Variants in GPC6 observed in about 807,000 individuals in gnomAD.
GPC6 encodes glypican-6.
Under a neutral mutation model 55.2 loss-of-function variants are expected in GPC6, and 14 were observed. The observed-to-expected ratio is 0.25, with a 90% CI of 0.17 to 0.40. The LOEUF is 0.40. Among genes scored for constraint, GPC6 ranks in the 10% least tolerant of loss-of-function variants. GPC6 has a pLI of 1.00. For synonymous variants in GPC6, 278 were observed against 259.6 expected (o/e 1.07, Z -0.68); for missense variants, 641 against 708.5 (o/e 0.90, Z 1.08).
At chr13:94,136,507 G>A (rs747965146) in intron 4 of GPC6, among the ~76,000 whole-genome samples, 6 of 152,132 alleles carry the variant, frequency 3.9e-5, no homozygotes, top group South Asian at 2.1e-4. Context: ...TCAGGAGATC[G>A]AGACCATCCT....
chr13:93,217,794 T>C, the GPC6 span, among the ~76,000 whole-genome samples: 2 of 152,186 alleles, frequency 1.3e-5, no homozygotes, highest in Non-Finnish European at 2.9e-5. Flanking sequence ...TACATGTTTG[T>C]TTCCCAGGAA....
At chr13:94,143,166 A>G (rs970733209) in intron 4 of GPC6, among the ~76,000 whole-genome samples, 1 of 151,950 alleles carries the variant, frequency 6.6e-6, no homozygotes, top group Admixed American at 6.6e-5. Context: ...AAAGATATAT[A>G]AAAACAACAA....
At chr13:93,689,396 GT>G (rs1882169103) in intron 2 of GPC6, among the ~76,000 whole-genome samples, 1 of 151,986 alleles carries the variant, frequency 6.6e-6, no homozygotes, top group African/African-American at 2.4e-5. Context: ...TTAAATAAAT[GT>G]TAAAAGTTAT....
intron 2 of GPC6, among the ~76,000 whole-genome samples, chr13:93,824,588 CTT>C (rs1041194703): frequency 6.8e-6 from 1 of 146,620 alleles, no homozygotes; most frequent in Admixed American, 6.8e-5. Flanking sequence ...TGATAGCCAA[CTT>C]TTTTTTTTTT....
chr13:93,574,154 A>C (rs2139478917), intron 2 of GPC6, among the ~76,000 whole-genome samples: 1 of 152,306 alleles, frequency 6.6e-6, no homozygotes, highest in Non-Finnish European at 1.5e-5. Flanking sequence ...TGTCTCCCAA[A>C]AAGGTATGTT....
chr13:94,261,616 C>G (rs985826836), intron 4 of GPC6, among the ~76,000 whole-genome samples: 2 of 152,274 alleles, frequency 1.3e-5, no homozygotes, highest in South Asian at 2.1e-4. Flanking sequence ...CCTGGAGGAG[C>G]TAATGCTTAA....
chr13:93,773,803 G>A (rs1885376958), intron 2 of GPC6, among the ~76,000 whole-genome samples: 1 of 152,184 alleles, frequency 6.6e-6, no homozygotes. Context: ...ACAAGAGATT[G>A]CCATTGGCTA....
chr13:94,225,370 C>T (rs374218443), intron 4 of GPC6, among the ~76,000 whole-genome samples: 1 of 152,046 alleles, frequency 6.6e-6, no homozygotes, highest in Non-Finnish European at 1.5e-5. Context: ...CCAAGCTTTA[C>T]CATAAGTTTG....
At chr13:93,549,382 G>A (rs1038088630) in intron 2 of GPC6, among the ~76,000 whole-genome samples, 3 of 152,200 alleles carry the variant, frequency 2.0e-5, no homozygotes, top group Non-Finnish European at 2.9e-5. Flanking sequence ...TGGCTACCAA[G>A]TAGCTCACGT....
chr13:94,270,793 A>G (rs1007962247), intron 4 of GPC6, among the ~76,000 whole-genome samples: 30 of 152,114 alleles, frequency 2.0e-4, no homozygotes, highest in Admixed American at 6.5e-5. Flanking sequence ...CTCAAAATCA[A>G]CAAGGCTACT....
intron 2 of GPC6, among the ~76,000 whole-genome samples, chr13:93,675,304 C>T (rs1194940347): frequency 2.6e-5 from 4 of 151,106 alleles, no homozygotes; most frequent in African/African-American, 4.9e-5. Context: ...ATTAAAGAGG[C>T]GAATGAAGAG....
chr13:93,812,663 G>C (rs953308416), intron 2 of GPC6, among the ~76,000 whole-genome samples: 1 of 152,064 alleles, frequency 6.6e-6, no homozygotes, highest in African/African-American at 2.4e-5. Flanking sequence ...TTTTTTATAT[G>C]CCAAGATAAA....
chr13:94,062,772 G>A (rs1001165392), intron 4 of GPC6, among the ~76,000 whole-genome samples: 20 of 152,346 alleles, frequency 1.3e-4, no homozygotes, highest in African/African-American at 4.8e-4. Flanking sequence ...TTATTAAGCA[G>A]AGGATATTTA....
At chr13:94,181,100 G>A (rs989584023) in intron 4 of GPC6, among the ~76,000 whole-genome samples, 5 of 152,170 alleles carry the variant, frequency 3.3e-5, no homozygotes, top group East Asian at 1.9e-4. Flanking sequence ...CACTCTACCA[G>A]AGAGCTCTGG....
At chr13:93,295,277 G>A (rs1259967507) in intron 1 of GPC6, among the ~76,000 whole-genome samples, 2 of 120,882 alleles carry the variant, frequency 1.7e-5, no homozygotes, top group Non-Finnish European at 3.2e-5. Context: ...GGTGGTACAG[G>A]GAGACCCTGT....
chr13:94,266,812 T>C (rs1391000124), intron 4 of GPC6, among the ~76,000 whole-genome samples: 1 of 152,166 alleles, frequency 6.6e-6, no homozygotes, highest in Non-Finnish European at 1.5e-5. Flanking sequence ...TGTTGGCTGA[T>C]CAAATGAATG....
intron 3 of GPC6, among the ~76,000 whole-genome samples, chr13:93,946,756 C>G (rs1175930169): frequency 6.6e-6 from 1 of 152,188 alleles, no homozygotes; most frequent in Non-Finnish European, 1.5e-5. Flanking sequence ...GCTAGGGCAT[C>G]AGTCTAAGTG....
At chr13:94,125,422 T>C (rs1340162085) in intron 4 of GPC6, among the ~76,000 whole-genome samples, 2 of 152,180 alleles carry the variant, frequency 1.3e-5, no homozygotes, top group Non-Finnish European at 2.9e-5. Context: ...CTGAGGTTTC[T>C]ATCTATATCA....
At chr13:93,711,441 C>T (rs757953646) in intron 2 of GPC6, among the ~76,000 whole-genome samples, 2 of 151,678 alleles carry the variant, frequency 1.3e-5, no homozygotes, top group Non-Finnish European at 2.9e-5. Flanking sequence ...TCACAGGACA[C>T]GTGGGAATGA....
Sources: gnomAD v4.1 joint callset for allele counts (sites outside exome capture counted in the v4.1 genomes callset) on GRCh38, gnomAD v4.1.1 for gene constraint, MANE v1.5 for transcripts, NCBI Gene and HGNC (gene_info 2026-07-23, HGNC 2026-07-21) for gene names.